The following RASAL2 variants were observed in gnomAD, a reference collection of about 807,000 sequenced individuals.
RASAL2 encodes ras GTPase-activating protein nGAP.
RASAL2 carries 58 observed loss-of-function variants against 128.9 expected under a neutral mutation model. The observed-to-expected ratio is 0.45, with a 90% CI of 0.36 to 0.56. The LOEUF is 0.56. Among genes scored for constraint, RASAL2 ranks in the 20% least tolerant of loss-of-function variants. The pLI, the probability that RASAL2 is intolerant of heterozygous loss-of-function variation, is 0.00. For missense variants in RASAL2, 1,360 were observed against 1,601.6 expected, an observed-to-expected ratio of 0.85 and a Z score of 2.57; for synonymous variants, 561 against 580.8, an observed-to-expected ratio of 0.97 and a Z score of 0.49.
chr1:178,146,642 T>C (rs538622449), intron 1 of RASAL2, among the ~76,000 whole-genome samples: 1 of 152,360 alleles, frequency 6.6e-6, no homozygotes, highest in Admixed American at 6.5e-5. Flanking sequence ...TAATGGTGAC[T>C]TCTTGGCTGA....
rs368212338 is a variant in RASAL2 at position 178,454,683 on chromosome 1, T to G, written c.2211+35T>G. The G allele has an allele frequency of 1.3e-5, 21 of 1,570,754 alleles. 1 individual carries two copies. Among genetic ancestry groups the G allele is most frequent in the Non-Finnish European group, 1.7e-5 (19 of 1,142,698 alleles). ...GTTGGTGGAAGATAGAGAACTTTAA[T>G]GTACCTGAATTCTGGAAAGTAACTA... On this transcript the variant is annotated intron_variant, in intron 12 of 17. Coordinates refer to ENST00000367649, the MANE Select transcript of RASAL2 (RefSeq NM_170692.4).
chr1:178,463,804 G>A (rs1012512848), intron 14 of RASAL2, among the ~76,000 whole-genome samples: 1 of 152,126 alleles, frequency 6.6e-6, no homozygotes, highest in African/African-American at 2.4e-5. Flanking sequence ...TTGTGAGTTT[G>A]TTTAGCACTA....
intron 3 of RASAL2, among the ~76,000 whole-genome samples, chr1:178,324,414 G>GA (rs546256498): frequency 8.8e-4 from 120 of 136,698 alleles, no homozygotes; most frequent in South Asian, 3.7e-3. Context: ...CGATCTCTAG[G>GA]AAAAAAAAAA....
At position 178,402,246 on chromosome 1, in the gene RASAL2, T is replaced by C. The variant is rs568509729; in HGVS notation, c.564+12040T>C. Among the ~76,000 whole-genome samples the C allele has an allele frequency of 2.6e-5, 4 of 152,154 alleles. No homozygotes were observed. In the East Asian group the frequency reaches 5.8e-4, roughly 22 times the overall value. On this transcript the variant is annotated intron_variant, in intron 4 of 17. Transcript: ENST00000367649. ...GCCTAGCCAACATGTTGAAAGCCCG[T>C]CTCTACTAAAAATACAAAAAATTAG...
chr1:178,347,266 A>T (rs1670199971), intron 3 of RASAL2, among the ~76,000 whole-genome samples: 1 of 152,066 alleles, frequency 6.6e-6, no homozygotes, highest in South Asian at 2.1e-4. Flanking sequence ...TTATAAACCC[A>T]TTTTCATTTT....
At chr1:178,334,387 G>A (rs888849400) in intron 3 of RASAL2, among the ~76,000 whole-genome samples, 14 of 150,270 alleles carry the variant, frequency 9.3e-5, no homozygotes, top group East Asian at 2.0e-4. Flanking sequence ...CACCCAGGCC[G>A]GAGTGCAGTG....
chr1:178,199,686 T>G (rs1662796454), intron 1 of RASAL2, among the ~76,000 whole-genome samples: 1 of 125,962 alleles, frequency 7.9e-6, no homozygotes, highest in Non-Finnish European at 1.8e-5. Flanking sequence ...ATCTTCTGTG[T>G]TTTTTTTTGG....
At chr1:178,424,816 A>C (rs996832045) in intron 5 of RASAL2, among the ~76,000 whole-genome samples, 6 of 152,208 alleles carry the variant, frequency 3.9e-5, no homozygotes, top group African/African-American at 1.4e-4. Flanking sequence ...CCACTTTAAG[A>C]TAGCAGAAAA....
chr1:178,282,131 A>C (rs1191019440), intron 1 of RASAL2, among the ~76,000 whole-genome samples: 1 of 152,160 alleles, frequency 6.6e-6, no homozygotes, highest in African/African-American at 2.4e-5. Flanking sequence ...ATACAAACAG[A>C]AAATAAGGGA....
intron 3 of RASAL2, among the ~76,000 whole-genome samples, chr1:178,339,550 G>A (rs867135179): frequency 2.6e-5 from 4 of 152,178 alleles, no homozygotes; most frequent in Middle Eastern, 6.8e-3. Flanking sequence ...GTTACGAATA[G>A]CCTCATAGAG....
intron 2 of RASAL2, among the ~76,000 whole-genome samples, chr1:178,295,348 C>A (rs1236682964): frequency 6.6e-6 from 1 of 151,918 alleles, no homozygotes; most frequent in East Asian, 1.9e-4. Context: ...ATTGACCTGT[C>A]CTCTAAGTTC....
At chr1:178,235,435 AAATGTAATAAT>A (rs1377004353) in intron 1 of RASAL2, among the ~76,000 whole-genome samples, 3 of 152,204 alleles carry the variant, frequency 2.0e-5, no homozygotes, top group Non-Finnish European at 4.4e-5. Flanking sequence ...AGGAAATATA[AAATGTAATAAT>A]ATGTATATGG....
chr1:178,166,628 T>C (rs953221670), intron 1 of RASAL2, among the ~76,000 whole-genome samples: 20 of 152,244 alleles, frequency 1.3e-4, no homozygotes, highest in Admixed American at 6.5e-4. Context: ...CAAAGATCCC[T>C]TGGGGTTTTT....
chr1:178,132,595 A>G (rs774645809), intron 1 of RASAL2, among the ~76,000 whole-genome samples: 2 of 152,164 alleles, frequency 1.3e-5, no homozygotes, highest in Non-Finnish European at 2.9e-5. Flanking sequence ...TGGTTTTGCA[A>G]TTATGAATGA....
chr1:178,368,069 A>T (rs1254919982), intron 3 of RASAL2, among the ~76,000 whole-genome samples: 1 of 152,212 alleles, frequency 6.6e-6, no homozygotes, highest in African/African-American at 2.4e-5. Flanking sequence ...GCAGCAGATT[A>T]TATGACCCAC....
chr1:178,198,744 G>C (rs1662762053), intron 1 of RASAL2, among the ~76,000 whole-genome samples: 1 of 152,198 alleles, frequency 6.6e-6, no homozygotes, highest in Non-Finnish European at 1.5e-5. Context: ...CTGCTGGGAG[G>C]TGTCTCCAAG....
intron 1 of RASAL2, chr1:178,194,632 G>T: frequency 6.0e-6 from 1 of 165,594 alleles, no homozygotes; most frequent in East Asian, 1.5e-4. Flanking sequence ...TGCTCTTCCT[G>T]GAAGCTTTAG....
chr1:178,194,712 T>G (rs928377677), intron 1 of RASAL2: 14 of 178,356 alleles, frequency 7.8e-5, no homozygotes, highest in Non-Finnish European at 9.9e-5. Context: ...TGGGCCATCT[T>G]TTACCCAACG....
intron 3 of RASAL2, 47 bp downstream of exon 3, chr1:178,300,165 A>G: frequency 6.4e-7 from 1 of 1,558,756 alleles, no homozygotes; most frequent in Non-Finnish European, 8.7e-7. Context: ...TTATCCCATA[A>G]TTTATGGACT....
Sources: allele counts gnomAD v4.1 joint callset (sites outside exome capture counted in the v4.1 genomes callset), GRCh38; gene constraint gnomAD v4.1.1; transcripts MANE v1.5; gene names NCBI Gene and HGNC (gene_info 2026-07-23, HGNC 2026-07-21).